NPAS2: variants seen among roughly 807,000 people sequenced by gnomAD.
NPAS2 encodes the protein neuronal PAS domain-containing protein 2.
In NPAS2, 23 loss-of-function variants were observed where a neutral mutation model predicts 107.5. That is an observed-to-expected ratio of 0.21 (90% CI 0.15 to 0.30). The LOEUF (loss-of-function observed/expected upper bound fraction) is 0.30. Among genes scored for constraint, NPAS2 ranks in the 10% least tolerant of loss-of-function variants. The pLI is 1.00. For synonymous variants in NPAS2, 403 were observed against 417.5 expected, an observed-to-expected ratio of 0.97 and a Z score of 0.42; for missense variants, 756 against 1,043.3, an observed-to-expected ratio of 0.72 and a Z score of 3.79.
rs1676362492 is a variant in NPAS2, at chr2:100,968,502, T to C, written c.1055+74T>C. ...GAGGGGTGCAGGATGGCGTGGCCCCTGATGGCCAAGTCAGATCAGCAGTCA... is the reference window on the plus strand; with the variant it reads ...GAGGGGTGCAGGATGGCGTGGCCCCCGATGGCCAAGTCAGATCAGCAGTCA... On this transcript the variant is annotated intron_variant, in intron 11 of 20. Transcript: ENST00000335681. This position sits in a 1 kb window ranked among gnomAD's most constrained non-coding sequence, Gnocchi z 5.3. The C allele has an allele frequency of 1.3e-5, 19 of 1,457,094 alleles. No homozygotes were observed. Among genetic ancestry groups the C allele is most frequent in the Non-Finnish European group, 1.7e-5 (18 of 1,059,258 alleles). The allele number at this position is 1,457,094 out of a possible 1,614,324, so 90.3% of individuals were successfully genotyped here.
At chr2:100,912,233 TTTATTTATTTATTTATTTATTTA>T (rs1244153240) in intron 2 of NPAS2, among the ~76,000 whole-genome samples, 17 of 106,390 alleles carry the variant, frequency 1.6e-4, no homozygotes, top group Admixed American at 6.4e-4. Context: ...TATTTATTTA[TTTATTTATTTATTTATTTATTTA>T]TTATTATTAT....
chr2:100,884,416 A>G (rs889175299), intron 1 of NPAS2, among the ~76,000 whole-genome samples: 1 of 152,198 alleles, frequency 6.6e-6, no homozygotes, highest in Non-Finnish European at 1.5e-5. Context: ...AGGAATGTGT[A>G]TGTCTTGTAC....
At chr2:100,881,410 G>T (rs1488438831) in intron 1 of NPAS2, among the ~76,000 whole-genome samples, 1 of 152,250 alleles carries the variant, frequency 6.6e-6, no homozygotes, top group East Asian at 1.9e-4. Context: ...CTGGGCCGGG[G>T]CATGGGGGCT....
chr2:100,987,939 G>A (rs1573806127), intron 16 of NPAS2, 140 bp from the exon 17 acceptor site: 1 of 896,320 alleles, frequency 1.1e-6, no homozygotes, highest in East Asian at 2.4e-5. Context: ...GGTGCTCCAT[G>A]TCCACCAGTG....
rs1030333252 is a variant in NPAS2, at chr2:100,975,031, T to C, written c.1282+87T>C. 36 of 1,461,736 alleles carry C rather than the reference T, an allele frequency of 2.5e-5. No homozygotes were observed. The Admixed American group carries it at 6.8e-4, about 28-fold the overall frequency. 90.5% of individuals were successfully genotyped at this position (1,461,736 alleles called of 1,614,324 possible). On this transcript the variant is annotated intron_variant, in intron 13 of 20. Coordinates refer to ENST00000335681, the MANE Select transcript of NPAS2 (RefSeq NM_002518.4). ...CAGAGGGTCCCGGGCCCAAGTGGAA[T>C]CAGGGCAGTCTGTGCCTCCGACAGA...
intron 7 of NPAS2, 36 bp from the exon 8 acceptor site, chr2:100,964,022 G>T (rs769993575): frequency 7.1e-7 from 1 of 1,398,844 alleles, no homozygotes; most frequent in South Asian, 1.2e-5. Flanking sequence ...ACCAGACAGG[G>T]CTAACCTATG....
intron 1 of NPAS2, among the ~76,000 whole-genome samples, chr2:100,872,456 T>C (rs1008018342): frequency 6.6e-6 from 1 of 152,242 alleles, no homozygotes; most frequent in Non-Finnish European, 1.5e-5. Context: ...ACTTTGTCTT[T>C]CCTGCTGTAA....
At chr2:100,842,081 G>GCGCGCGCGCGCGCGCACA in intron 1 of NPAS2, among the ~76,000 whole-genome samples, 9 of 148,902 alleles carry the variant, frequency 6.0e-5, no homozygotes, top group African/African-American at 2.2e-4. Flanking sequence ...GCATGTACGC[G>GCGCGCGCGCGCGCGCACA]CACACACACA....
chr2:100,937,026 T>C (rs1684358461), intron 4 of NPAS2, among the ~76,000 whole-genome samples: 1 of 150,602 alleles, frequency 6.6e-6, no homozygotes, highest in African/African-American at 2.4e-5. Context: ...GTCTGCTTTA[T>C]GAGAAAGCAT....
chr2:100,895,627 C>T (rs1681365784), intron 1 of NPAS2, among the ~76,000 whole-genome samples: 1 of 152,182 alleles, frequency 6.6e-6, no homozygotes, highest in Non-Finnish European at 1.5e-5. Context: ...CGCCCCTCCA[C>T]ACTCAGTGCT....
intron 1 of NPAS2, among the ~76,000 whole-genome samples, chr2:100,847,638 G>A (rs1203790038): frequency 1.3e-5 from 2 of 152,208 alleles, no homozygotes; most frequent in Admixed American, 1.3e-4. Context: ...CCAAAGTGCT[G>A]GGATTACAGG....
chr2:100,873,275 CATATATATAT>C lies in NPAS2; in HGVS notation c.-22-31434_-22-31425del, dbSNP rs376842348. ...TCAAAAAAAAAAAAAAAAAAAAATA[CATATATATAT>C]ATATATATATATATATATATATACA... is the stretch of plus-strand genomic sequence containing the variant. On this transcript the variant is annotated intron_variant, in intron 1 of 20. Transcript: ENST00000335681. Among the ~76,000 whole-genome samples, 488 of 77,186 alleles carry C rather than the reference CATATATATAT, an allele frequency of 6.3e-3. 12 individuals are homozygous for C. Among genetic ancestry groups the C allele is most frequent in the African/African-American group, 0.025 (458 of 18,348 alleles). 50.6% of individuals were successfully genotyped at this position (77,186 alleles called of 152,430 possible). A position where few individuals can be genotyped will look rare whatever the true frequency, so the allele number is the denominator to read the frequency against.
At chr2:100,906,339 T>C (rs968868444) in intron 2 of NPAS2, among the ~76,000 whole-genome samples, 2 of 152,178 alleles carry the variant, frequency 1.3e-5, no homozygotes, top group African/African-American at 2.4e-5. Flanking sequence ...AGCATAGCTA[T>C]GGATGGAGCG....
In NPAS2 at chr2:100,915,860, A is replaced by G. The variant is rs560422964; in HGVS notation, c.33-9286A>G. On this transcript the variant is annotated intron_variant, in intron 2 of 20. Coordinates refer to ENST00000335681, the MANE Select transcript of NPAS2 (RefSeq NM_002518.4). ...AATAGGAAGAATAAAGGAAGAAAAC[A>G]GAAATGGTAAATATTTGACAAAAAC... is the stretch of plus-strand genomic sequence containing the variant. 2.8e-4 allele frequency among the ~76,000 whole-genome samples: 42 copies of G among 152,356 alleles called. 1 individual carries two copies. The highest frequency in any genetic ancestry group is 4.4e-4 in the Non-Finnish European group (30 of 68,046).
intron 1 of NPAS2, among the ~76,000 whole-genome samples, chr2:100,874,029 G>A (rs1488248187): frequency 6.7e-6 from 1 of 149,600 alleles, no homozygotes; most frequent in Non-Finnish European, 1.5e-5. Flanking sequence ...TGCCCAGGCT[G>A]GAGTGCAGTG....
intron 7 of NPAS2, among the ~76,000 whole-genome samples, chr2:100,954,772 G>A (rs1675465365): frequency 1.3e-5 from 2 of 148,380 alleles, no homozygotes; most frequent in Non-Finnish European, 3.0e-5. Context: ...CCCAGGTGTG[G>A]TGACAGTTGA....
intron 1 of NPAS2, among the ~76,000 whole-genome samples, 164 bp from the exon 2 acceptor site, chr2:100,904,569 G>A (rs1331496564): frequency 6.6e-6 from 1 of 152,148 alleles, no homozygotes; most frequent in Admixed American, 6.5e-5. Context: ...AAGTGCTTTG[G>A]AGACCTCAGT....
At chr2:100,989,933 C>T (rs1409768044) in intron 17 of NPAS2, 2 of 306,230 alleles carry the variant, frequency 6.5e-6, no homozygotes, top group East Asian at 1.3e-4. Context: ...TGCAAAGGCC[C>T]TAGGGCAGGA....
At chr2:100,973,309 T>G (rs959243096) in intron 12 of NPAS2, among the ~76,000 whole-genome samples, 2 of 152,250 alleles carry the variant, frequency 1.3e-5, no homozygotes, top group African/African-American at 4.8e-5. Flanking sequence ...CACTGTGCAG[T>G]GCATTTGTAA....
Sources: gnomAD v4.1 joint callset for allele counts (sites outside exome capture counted in the v4.1 genomes callset) on GRCh38, gnomAD v4.1.1 for gene constraint, Gnocchi (gnomAD v3.1) non-coding constraint, MANE v1.5 for transcripts, NCBI Gene and HGNC (gene_info 2026-07-23, HGNC 2026-07-21) for gene names.